Variants in MLLT1 observed in about 807,000 individuals in gnomAD.
The protein encoded by MLLT1 is MLLT1 super elongation complex subunit, also known as protein ENL.
A neutral mutation model predicts 55.1 loss-of-function variants in MLLT1; 11 were observed. The ratio of observed to expected loss-of-function variants is 0.20; its 90% CI spans 0.13 to 0.33. The LOEUF is 0.33. MLLT1 is among the 10% of genes least tolerant of loss of function. MLLT1 has a pLI of 1.00. For missense variants in MLLT1, 536 were observed against 760.6 expected (o/e 0.70, Z 3.47); for synonymous variants, 323 against 320.1 (o/e 1.01, Z -0.10).
At position 6,213,352 on chromosome 19, in the gene MLLT1, G is replaced by C; in HGVS notation, c.1536C>G (p.Arg512=). The C allele has an allele frequency of 6.2e-7, 1 of 1,612,288 alleles. No homozygotes were observed. The highest frequency in any genetic ancestry group is 1.7e-4 in the Middle Eastern group (1 of 6,054). The part of the protein sequence containing the change: ...LHRRLMALRE[R]NVLQQIVNLI... ...GGGGCGATACCTGCTGCAGCACGTT[G>C]CGCTCCCGCAGCGCCATCAGCCTCC... The change falls in exon 11 of 12, where the codon CGC becomes CGG. Residue 512 remains arginine, a synonymous_variant. Transcript: ENST00000252674.
In MLLT1 at chr19:6,278,079, C is replaced by T. The variant is rs540344155; in HGVS notation, c.12+1694G>A. 3.3e-5 allele frequency among the ~76,000 whole-genome samples: 5 copies of T among 152,044 alleles called. No individual in the cohort carries two copies. In the South Asian group the frequency reaches 6.3e-4, roughly 19 times the overall value. On this transcript the variant is annotated intron_variant, in intron 1 of 11. Transcript: ENST00000252674. ...GATGGGCAGGAGGGAGGATTCTTGCCCCCCACCCATGAAACCACACAGACA... is the reference window on the plus strand; with the variant it reads ...GATGGGCAGGAGGGAGGATTCTTGCTCCCCACCCATGAAACCACACAGACA...
chr19:6,223,366 C>G (rs553619723), intron 5 of MLLT1, among the ~76,000 whole-genome samples: 1 of 152,308 alleles, frequency 6.6e-6, no homozygotes, highest in East Asian at 1.9e-4. Context: ...CCTAAAACAC[C>G]GAGGACATTC....
intron 5 of MLLT1, among the ~76,000 whole-genome samples, chr19:6,223,801 C>G (rs2090928173): frequency 6.6e-6 from 1 of 152,200 alleles, no homozygotes; most frequent in Non-Finnish European, 1.5e-5. Context: ...CTGTATCACC[C>G]CACGCACCCA....
intron 1 of MLLT1, among the ~76,000 whole-genome samples, chr19:6,274,197 C>T (rs937545868): frequency 2.6e-5 from 4 of 152,202 alleles, no homozygotes; most frequent in East Asian, 1.9e-4. Flanking sequence ...GGGCACTCCC[C>T]GGAAGGGTGG....
intron 7 of MLLT1, 50 bp from the exon 8 acceptor site, chr19:6,216,563 G>T: frequency 7.3e-7 from 1 of 1,363,072 alleles, no homozygotes; most frequent in Non-Finnish European, 1.0e-6. Context: ...GGGCTCCACT[G>T]AGCCTCCAGG....
In MLLT1 at chr19:6,213,000, T is replaced by TCCCAGGA. The variant is rs1439644132; in HGVS notation, c.*35_*41dup. The TCCCAGGA allele has an allele frequency of 6.2e-7, 1 of 1,606,832 alleles. No homozygotes were observed. Among genetic ancestry groups the TCCCAGGA allele is most frequent in the Admixed American group, 1.7e-5 (1 of 59,406 alleles). ...GGGCAGGCGAGGCCTGGCTGCAGCCTCCCAGGACCCCGGCGGTGGGGGCCC... is the reference window on the plus strand; with the variant it reads ...GGGCAGGCGAGGCCTGGCTGCAGCCTCCCAGGACCCAGGACCCCGGCGGTGGGGGCCC... On this transcript the variant is annotated 3_prime_UTR_variant, in exon 12 of 12. Coordinates refer to ENST00000252674, the MANE Select transcript of MLLT1 (RefSeq NM_005934.4).
At position 6,273,792 on chromosome 19, in the gene MLLT1, C is replaced by A. The variant is rs933380275; in HGVS notation, c.13-3033G>T. ...CTCCCACACAATGACAGTGTCTCCTCGGAATCGCTTATTCACTGACCCGGC... is the reference window on the plus strand; with the variant it reads ...CTCCCACACAATGACAGTGTCTCCTAGGAATCGCTTATTCACTGACCCGGC... On this transcript the variant is annotated intron_variant, in intron 1 of 11. Transcript: ENST00000252674. The surrounding 1 kb of genome is among the most constrained non-coding windows in gnomAD (Gnocchi z 4.3). Among the ~76,000 whole-genome samples the A allele has an allele frequency of 6.6e-6, 1 of 152,240 alleles. No homozygotes were observed. Among genetic ancestry groups the A allele is most frequent in the African/African-American group, 2.4e-5 (1 of 41,446 alleles).
At position 6,211,891 on chromosome 19, in the gene MLLT1, T is replaced by A. The variant is rs890017559; in HGVS notation, c.*1151A>T. 18 of 1,064,388 alleles carry A rather than the reference T, an allele frequency of 1.7e-5. 1 individual carries two copies. The African/African-American group carries it at 3.0e-4, about 17-fold the overall frequency. 65.9% of individuals were successfully genotyped at this position (1,064,388 alleles called of 1,614,324 possible). On this transcript the variant is annotated 3_prime_UTR_variant, in exon 12 of 12. Transcript: ENST00000252674. This position sits in a 1 kb window ranked among gnomAD's most constrained non-coding sequence, Gnocchi z 4.6. The stretch of plus-strand genomic sequence containing the variant: ...GCGGCACCAGCATGAATTGCGGCGG[T>A]GGAGGCCGGGGCGGGCCAGGCCGCG...
At position 6,213,111 on chromosome 19, in the gene MLLT1, G is replaced by A. The variant is rs143086360; in HGVS notation, c.1611C>T (p.Phe537=). Residue 537 remains phenylalanine, a synonymous_variant, in exon 12 of 12, where the codon TTC becomes TTT. Coordinates refer to ENST00000252674, the MANE Select transcript of MLLT1 (RefSeq NM_005934.4). Reference sequence around the variant, plus strand: ...TGGTCTCGTCCAGGGAGAAGAGGTCGAAGTCGAAGGTGGTGTTGGTGACAT... The same window carrying A: ...TGGTCTCGTCCAGGGAGAAGAGGTCAAAGTCGAAGGTGGTGTTGGTGACAT... ...HFNVTNTTFD[F]DLFSLDETTV... is the part of the protein sequence containing the mutation. 4.5e-5 allele frequency: 72 copies of A among 1,613,886 alleles called. No homozygotes were observed. The highest frequency in any genetic ancestry group is 1.3e-4 in the African/African-American group (10 of 74,906).
At chr19:6,246,899 G>A (rs954011846) in intron 3 of MLLT1, among the ~76,000 whole-genome samples, 5 of 152,190 alleles carry the variant, frequency 3.3e-5, no homozygotes, top group East Asian at 1.9e-4. Flanking sequence ...CCCTTGCAGC[G>A]TTCCTACTTG....
Position 6,213,999 on chromosome 19 carries a change from G to A in MLLT1, c.1347C>T (p.Asp449=), listed in dbSNP as rs535732853. 2.7e-5 allele frequency: 39 copies of A among 1,457,372 alleles called. No homozygotes were observed. The East Asian group carries it at 9.1e-4, about 34-fold the overall frequency. The allele number at this position is 1,457,372 out of a possible 1,614,324, so 90.3% of individuals were successfully genotyped here. A position where few individuals can be genotyped will look rare whatever the true frequency, so the allele number is the denominator to read the frequency against. Residue 449 remains aspartate (D), a synonymous_variant, in exon 9 of 12, where the codon GAC becomes GAT. Transcript: ENST00000252674. ...GGGGCTCACGGCTGGGCAGGGAGGA[G>A]TCGGCGCTGTTGTCACTCTCGCTGT... The part of the protein sequence containing the change: ...FSDSESDNSA[D]SSLPSREPPP...
In MLLT1 at chr19:6,216,472, A is replaced by G. The variant is rs1440481714; in HGVS notation, c.1240T>C (p.Ser414Pro). Reference sequence around the variant, plus strand: ...CCTGACGAAGAGTCGTCCTCGTCGGACTCCTCGGACTGCAGGTCCTCCACC... The same window carrying G: ...CCTGACGAAGAGTCGTCCTCGTCGGGCTCCTCGGACTGCAGGTCCTCCACC... ...SMVEDLQSEE[S>P]DEDDSSSGEE... The change falls in exon 8 of 12, where the codon TCC (serine) becomes CCC (proline). Residue 414 changes from serine to proline, a missense_variant. Physicochemically the swap from Ser to Pro is moderately conservative, Grantham distance 74 (BLOSUM62 -1). Transcript: ENST00000252674. 1 of 1,606,040 alleles carries G rather than the reference A, an allele frequency of 6.2e-7. No individual in the cohort carries two copies. The highest frequency in any genetic ancestry group is 8.5e-7 in the Non-Finnish European group (1 of 1,177,446).
At chr19:6,271,428 G>A (rs893985149) in intron 1 of MLLT1, among the ~76,000 whole-genome samples, 1 of 152,160 alleles carries the variant, frequency 6.6e-6, no homozygotes, top group Non-Finnish European at 1.5e-5. Context: ...AGAAGGCAGA[G>A]GCCAGCCTGC....
intron 10 of MLLT1, 80 bp from the exon 11 acceptor site, chr19:6,213,488 C>G: frequency 8.0e-7 from 1 of 1,244,086 alleles, no homozygotes; most frequent in South Asian, 1.2e-5. Context: ...CACCCATGAC[C>G]CAGTCCATCC....
At chr19:6,228,319 CT>C (rs1410847781) in intron 4 of MLLT1, among the ~76,000 whole-genome samples, 1 of 152,248 alleles carries the variant, frequency 6.6e-6, no homozygotes, top group Non-Finnish European at 1.5e-5. Context: ...AATTTACCTT[CT>C]TTCCCCTCAA....
At chr19:6,249,797 C>A (rs370279141) in intron 3 of MLLT1, among the ~76,000 whole-genome samples, 2 of 152,052 alleles carry the variant, frequency 1.3e-5, no homozygotes, top group Admixed American at 1.3e-4. Context: ...TCTAGGTGGG[C>A]GGATCGCTTG....
At chr19:6,243,799 T>G (rs2091139267) in intron 3 of MLLT1, among the ~76,000 whole-genome samples, 1 of 151,902 alleles carries the variant, frequency 6.6e-6, no homozygotes, top group Admixed American at 6.6e-5. Flanking sequence ...ATCCCAGCAC[T>G]TTGGGAGACC....
At chr19:6,218,081 G>A in intron 6 of MLLT1, 40 bp from the exon 7 acceptor site, 1 of 1,568,254 alleles carries the variant, frequency 6.4e-7, no homozygotes. Context: ...GGGAGAAAGG[G>A]AGAGCTGTCA....
At chr19:6,223,274 C>T (rs531984360) in intron 5 of MLLT1, among the ~76,000 whole-genome samples, 2 of 152,232 alleles carry the variant, frequency 1.3e-5, no homozygotes, top group Non-Finnish European at 2.9e-5. Flanking sequence ...TGCTGAGCGC[C>T]CACTGGGTCC....
Sources: gnomAD v4.1 joint callset for allele counts (sites outside exome capture counted in the v4.1 genomes callset) on GRCh38, gnomAD v4.1.1 for gene constraint, Gnocchi (gnomAD v3.1) non-coding constraint, MANE v1.5 for transcripts, NCBI Gene and HGNC (gene_info 2026-07-23, HGNC 2026-07-21) for gene names.